CIMIP4: variants seen among roughly 807,000 people sequenced by gnomAD.
CIMIP4 encodes the protein ciliary microtubule inner protein 4.
chr22:37,001,243 G>A, the CIMIP4 span, among the ~76,000 whole-genome samples: 1 of 151,602 alleles, frequency 6.6e-6, no homozygotes, highest in East Asian at 1.9e-4. Context: ...CAGGCTGGGA[G>A]GGTTGTGATA....
At chr22:36,993,684 G>A in the CIMIP4 span, among the ~76,000 whole-genome samples, 2 of 151,512 alleles carry the variant, frequency 1.3e-5, no homozygotes, top group African/African-American at 4.9e-5. Flanking sequence ...AGCTGAGAGC[G>A]CGCCACTGCA....
At chr22:36,994,826 T>C in the CIMIP4 span, among the ~76,000 whole-genome samples, 796 of 152,124 alleles carry the variant, frequency 5.2e-3, 9 homozygotes, top group African/African-American at 0.018. Context: ...GAGACGGGGT[T>C]TCACCTTGTT....
At chr22:36,994,717 G>A in the CIMIP4 span, among the ~76,000 whole-genome samples, 2 of 147,816 alleles carry the variant, frequency 1.4e-5, no homozygotes, top group Admixed American at 7.0e-5. Context: ...TGCAAGCTCC[G>A]CTTCCCGGGT....
chr22:37,006,078 G>A, the CIMIP4 span, among the ~76,000 whole-genome samples: 1 of 152,172 alleles, frequency 6.6e-6, no homozygotes, highest in African/African-American at 2.4e-5. Context: ...GGACCTCTAG[G>A]AAGCTTAAGG....
the CIMIP4 span, among the ~76,000 whole-genome samples, chr22:36,992,101 C>G: frequency 6.6e-6 from 1 of 152,330 alleles, no homozygotes; most frequent in Non-Finnish European, 1.5e-5. Flanking sequence ...GTAATCCCAG[C>G]ACTTTGGGAG....
At chr22:37,007,317 A>C in the CIMIP4 span, among the ~76,000 whole-genome samples, 1 of 152,220 alleles carries the variant, frequency 6.6e-6, no homozygotes, top group Non-Finnish European at 1.5e-5. Context: ...CGGAGACACT[A>C]CTAATTTATC....
chr22:37,006,901 T>C, the CIMIP4 span, among the ~76,000 whole-genome samples: 4 of 152,172 alleles, frequency 2.6e-5, no homozygotes, highest in Non-Finnish European at 5.9e-5. Context: ...TCTCTGCAGC[T>C]CTCCTCAGCT....
chr22:36,991,824 C>A, the CIMIP4 span, among the ~76,000 whole-genome samples: 3,841 of 150,112 alleles, frequency 0.026, 160 homozygotes, highest in African/African-American at 0.091. Flanking sequence ...TTCAACTATA[C>A]CAAGAAATGA....
the CIMIP4 span, among the ~76,000 whole-genome samples, chr22:37,003,479 G>C: frequency 1.8e-4 from 28 of 152,256 alleles, no homozygotes; most frequent in African/African-American, 6.3e-4. Flanking sequence ...AGGGCAGAGT[G>C]CCTGCTCTCG....
At chr22:36,996,893 A>C in the CIMIP4 span, among the ~76,000 whole-genome samples, 1 of 152,238 alleles carries the variant, frequency 6.6e-6, no homozygotes, top group African/African-American at 2.4e-5. Flanking sequence ...TAACAGAAGT[A>C]CCACTGCAGG....
the CIMIP4 span, among the ~76,000 whole-genome samples, chr22:37,001,662 T>A: frequency 6.6e-6 from 1 of 152,170 alleles, no homozygotes; most frequent in Non-Finnish European, 1.5e-5. Flanking sequence ...TGGGAAGATG[T>A]AACAACTTGT....
the CIMIP4 span, among the ~76,000 whole-genome samples, chr22:36,993,725 T>A: frequency 3.5e-5 from 5 of 144,004 alleles, no homozygotes; most frequent in East Asian, 2.0e-4. Flanking sequence ...TGAGACTCCA[T>A]CTCAAAAAAA....
At chr22:37,001,950 C>T in the CIMIP4 span, 1 of 1,613,896 alleles carries the variant, frequency 6.2e-7, no homozygotes, top group Non-Finnish European at 8.5e-7. Context: ...TCCTGAGCCC[C>T]CAAGCTGGGA....
the CIMIP4 span, among the ~76,000 whole-genome samples, chr22:37,003,485 T>C: frequency 1.3e-5 from 2 of 152,124 alleles, no homozygotes; most frequent in South Asian, 4.2e-4. Flanking sequence ...GAGTGCCTGC[T>C]CTCGGGACTC....
At chr22:36,999,332 T>C in the CIMIP4 span, among the ~76,000 whole-genome samples, 1 of 146,824 alleles carries the variant, frequency 6.8e-6, no homozygotes, top group Non-Finnish European at 1.5e-5. Context: ...AGAAAAAAAT[T>C]AGCCAGGTAT....
the CIMIP4 span, chr22:37,002,185 T>C: frequency 3.3e-5 from 49 of 1,489,980 alleles, no homozygotes; most frequent in African/African-American, 5.8e-4. Flanking sequence ...GCTGTGGGGA[T>C]GACAGACCCT....
At chr22:36,994,078 G>C in the CIMIP4 span, among the ~76,000 whole-genome samples, 2 of 152,182 alleles carry the variant, frequency 1.3e-5, no homozygotes, top group Admixed American at 1.3e-4. Context: ...TTAAGGTAAT[G>C]TAATGATTCT....
chr22:37,001,958 G>C, the CIMIP4 span: 3 of 1,613,794 alleles, frequency 1.9e-6, no homozygotes, highest in African/African-American at 4.0e-5. Flanking sequence ...CCCCAAGCTG[G>C]GACCGTCATC....
At chr22:36,996,613 T>G in the CIMIP4 span, among the ~76,000 whole-genome samples, 1 of 152,198 alleles carries the variant, frequency 6.6e-6, no homozygotes, top group Non-Finnish European at 1.5e-5. Flanking sequence ...AGCCCTTAAA[T>G]TGAGCTGTAG....
Sources: allele counts gnomAD v4.1 joint callset (sites outside exome capture counted in the v4.1 genomes callset), GRCh38; gene constraint gnomAD v4.1.1; transcripts MANE v1.5; gene names NCBI Gene and HGNC (gene_info 2026-07-23, HGNC 2026-07-21).